PRKCZ: variants seen among roughly 807,000 people sequenced by gnomAD.
PRKCZ encodes the protein protein kinase C zeta.
Under a neutral mutation model 79.5 loss-of-function variants are expected in PRKCZ, and 33 were observed. The observed-to-expected ratio is 0.41, with a 90% CI of 0.31 to 0.55. PRKCZ has a LOEUF of 0.55. Among genes scored for constraint, PRKCZ ranks in the 20% least tolerant of loss-of-function variants. PRKCZ has a pLI of 0.19. For synonymous variants in PRKCZ, 342 were observed against 320.9 expected (o/e 1.07, Z -0.70); for missense variants, 578 against 813.5 (o/e 0.71, Z 3.52).
intron 9 of PRKCZ, among the ~76,000 whole-genome samples, chr1:2,151,861 T>C (rs576749671): frequency 1.3e-5 from 2 of 152,170 alleles, no homozygotes; most frequent in South Asian, 4.2e-4. Context: ...TGTCTCATTC[T>C]GTTACCCAGG....
intron 4 of PRKCZ, 107 bp from the exon 5 acceptor site, chr1:2,135,155 C>T (rs546977205): frequency 2.4e-5 from 22 of 915,698 alleles, no homozygotes; most frequent in South Asian, 1.8e-4. Flanking sequence ...CCTGGGAGGA[C>T]GCTGCGGCCG....
At chr1:2,161,132 A>G (rs1682199373) in intron 10 of PRKCZ, among the ~76,000 whole-genome samples, 1 of 152,190 alleles carries the variant, frequency 6.6e-6, no homozygotes, top group African/African-American at 2.4e-5. Flanking sequence ...AGAGATCCTG[A>G]CTGACACCCG....
intron 16 of PRKCZ, among the ~76,000 whole-genome samples, chr1:2,176,120 C>T (rs1557745511): frequency 6.6e-6 from 1 of 152,074 alleles, no homozygotes; most frequent in Non-Finnish European, 1.5e-5. Flanking sequence ...GGTGTGTGAG[C>T]AGGGTGCATT....
rs148391784 is a variant in PRKCZ at position 2,057,403 on chromosome 1, G to A, written c.283+830G>A. Among the ~76,000 whole-genome samples, 684 of 152,306 alleles carry A rather than the reference G, an allele frequency of 4.5e-3. 7 individuals carry two copies. The highest frequency in any genetic ancestry group is 0.016 in the African/African-American group (653 of 41,552). The stretch of plus-strand genomic sequence containing the variant: ...CTTTGTCTCTGTGTCCACTTCTGGC[G>A]TAGCTTGGGCTCCTTGCCAGGCGTC... On this transcript the variant is annotated intron_variant, in intron 3 of 17. Coordinates refer to ENST00000378567, the MANE Select transcript of PRKCZ (RefSeq NM_002744.6).
intron 4 of PRKCZ, among the ~76,000 whole-genome samples, chr1:2,109,334 TGGTC>T (rs1237655218): frequency 2.0e-5 from 3 of 152,200 alleles, no homozygotes; most frequent in African/African-American, 7.2e-5. Context: ...GCAGGGGCGA[TGGTC>T]GGGGGGCACC....
intron 4 of PRKCZ, among the ~76,000 whole-genome samples, chr1:2,108,613 C>T (rs1264640625): frequency 1.3e-5 from 2 of 152,218 alleles, no homozygotes; most frequent in Non-Finnish European, 2.9e-5. Context: ...CCCTCTCTCT[C>T]CAGCCATGTC....
rs957188143 is a variant in PRKCZ, at chr1:2,127,696, C to T, written c.335-7566C>T. On this transcript the variant is annotated intron_variant, in intron 4 of 17. Coordinates refer to ENST00000378567, the MANE Select transcript of PRKCZ (RefSeq NM_002744.6). The surrounding 1 kb of genome is among the most constrained non-coding windows in gnomAD (Gnocchi z 5.1). ...GCAAATAGGCGAACGGCGTCTCCCGCGGCTCCCGGTGGCTTTTTAGGACTC... is the reference window on the plus strand; with the variant it reads ...GCAAATAGGCGAACGGCGTCTCCCGTGGCTCCCGGTGGCTTTTTAGGACTC... Among the ~76,000 whole-genome samples the T allele has an allele frequency of 2.6e-5, 4 of 152,234 alleles. No homozygotes were observed. Among genetic ancestry groups the T allele is most frequent in the Admixed American group, 1.3e-4 (2 of 15,292 alleles).
rs1342518130 is a variant in PRKCZ, at chr1:2,075,081, A to T, written c.334+15490A>T. On this transcript the variant is annotated intron_variant, in intron 4 of 17. Coordinates refer to ENST00000378567, the MANE Select transcript of PRKCZ (RefSeq NM_002744.6). The surrounding 1 kb of genome is among the most constrained non-coding windows in gnomAD (Gnocchi z 4.8). ...CAGCAGACGCAGGGCTGCTCCGCACAGCCAGCTTGGGCCGCAGGGGTCCTT... is the reference window on the plus strand; with the variant it reads ...CAGCAGACGCAGGGCTGCTCCGCACTGCCAGCTTGGGCCGCAGGGGTCCTT... The T allele has an allele frequency of 6.6e-6, 1 of 152,248 alleles. No homozygotes were observed. The highest frequency in any genetic ancestry group is 1.5e-5 in the Non-Finnish European group (1 of 68,106). The allele number at this position is 152,248 out of a possible 1,614,324, so 9.4% of individuals were successfully genotyped here. A position where few individuals can be genotyped will look rare whatever the true frequency, so the allele number is the denominator to read the frequency against.
intron 4 of PRKCZ, among the ~76,000 whole-genome samples, chr1:2,100,884 C>T (rs1667322560): frequency 6.6e-6 from 1 of 152,082 alleles, no homozygotes; most frequent in Admixed American, 6.6e-5. Context: ...AACACACCCC[C>T]TGAGGTGTGA....
chr1:2,137,886 C>T (rs1176580540), intron 5 of PRKCZ, among the ~76,000 whole-genome samples: 6 of 152,178 alleles, frequency 3.9e-5, no homozygotes, highest in Non-Finnish European at 7.4e-5. Flanking sequence ...CCCTTCTGGG[C>T]GTGTGAACGA....
chr1:2,055,498 A>G lies in PRKCZ; in HGVS notation c.129A>G (p.Glu43=), dbSNP rs1315217615. Residue 43 remains glutamate (E), a synonymous_variant, in exon 2 of 18, where the codon GAA becomes GAG. Transcript: ENST00000378567. Reference sequence around the variant, plus strand: ...CGACCTTCGAGGAGCTCTGTGAGGAAGTGAGAGACATGTGTCGTCTGCACC... The same window carrying G: ...CGACCTTCGAGGAGCTCTGTGAGGAGGTGAGAGACATGTGTCGTCTGCACC... ...AATTFEELCE[E]VRDMCRLHQQ... The G allele has an allele frequency of 6.2e-7, 1 of 1,614,080 alleles. No homozygotes were observed. The highest frequency in any genetic ancestry group is 2.2e-5 in the East Asian group (1 of 44,876).
Position 2,159,205 on chromosome 1 carries a change from C to T in PRKCZ, c.974+3113C>T, listed in dbSNP as rs990482856. Among the ~76,000 whole-genome samples, 5 of 152,368 alleles carry T rather than the reference C, an allele frequency of 3.3e-5. No individual in the cohort carries two copies. In the East Asian group the frequency reaches 5.8e-4, roughly 18 times the overall value. ...AAAACTGCCCACAAATTCTTACTGA[C>T]CACACAGCACCAGACACCCACGTGA... On this transcript the variant is annotated intron_variant, in intron 10 of 17. Transcript: ENST00000378567.
rs555834981 is a variant in PRKCZ at position 2,070,586 on chromosome 1, G to A, written c.334+10995G>A. ...CTCTGGATGCAAGGGTGGCAAAGTCGCCTTGGCCTGTGTAGGGGAAGTGGA... is the reference window on the plus strand; with the variant it reads ...CTCTGGATGCAAGGGTGGCAAAGTCACCTTGGCCTGTGTAGGGGAAGTGGA... On this transcript the variant is annotated intron_variant, in intron 4 of 17. Transcript: ENST00000378567. Among the ~76,000 whole-genome samples, 545 of 152,290 alleles carry A rather than the reference G, an allele frequency of 3.6e-3. 4 individuals are homozygous for A. Among genetic ancestry groups the A allele is most frequent in the African/African-American group, 0.012 (516 of 41,566 alleles).
At chr1:2,074,360 G>A (rs1315950314) in intron 4 of PRKCZ, 49 of 1,523,610 alleles carry the variant, frequency 3.2e-5, no homozygotes, top group Middle Eastern at 2.1e-4. Context: ...TCTTGGGCTC[G>A]TCTGCCTGCC....
At position 2,144,533 on chromosome 1, in the gene PRKCZ, G is replaced by C. The variant is rs1026525713; in HGVS notation, c.552+192G>C. 8 of 1,417,604 alleles carry C rather than the reference G, an allele frequency of 5.6e-6. No individual in the cohort carries two copies. The South Asian group carries it at 8.9e-5, about 16-fold the overall frequency. 87.8% of individuals were successfully genotyped at this position (1,417,604 alleles called of 1,614,324 possible). On this transcript the variant is annotated intron_variant, in intron 6 of 17. Transcript: ENST00000378567. ...GACCCATCTTCCTGAGCCCCCACAA[G>C]CCCCCGGCACACTCTGCTCATTGGG...
chr1:2,184,431 G>GT, intron 16 of PRKCZ, 152 bp from the exon 17 acceptor site: 1 of 600,866 alleles, frequency 1.7e-6, no homozygotes, highest in Non-Finnish European at 2.9e-6. Flanking sequence ...ATTTTGTGTT[G>GT]TAAGAAAAAA....
At chr1:2,054,763 C>T (rs1660000901) in intron 1 of PRKCZ, among the ~76,000 whole-genome samples, 1 of 152,224 alleles carries the variant, frequency 6.6e-6, no homozygotes, top group Non-Finnish European at 1.5e-5. Flanking sequence ...CCTGCACCGA[C>T]CCGGCTCGCG....
At chr1:2,139,708 C>A (rs1676933641) in intron 5 of PRKCZ, among the ~76,000 whole-genome samples, 1 of 152,228 alleles carries the variant, frequency 6.6e-6, no homozygotes, top group Non-Finnish European at 1.5e-5. Flanking sequence ...CTGGAAATCA[C>A]GCAGAAATGT....
At chr1:2,101,519 G>A (rs1175168782) in intron 4 of PRKCZ, among the ~76,000 whole-genome samples, 2 of 151,996 alleles carry the variant, frequency 1.3e-5, no homozygotes, top group African/African-American at 2.4e-5. Flanking sequence ...CATTTCTTTC[G>A]TTCATTCATT....
Sources: allele counts gnomAD v4.1 joint callset (sites outside exome capture counted in the v4.1 genomes callset), GRCh38; gene constraint gnomAD v4.1.1; non-coding constraint Gnocchi (gnomAD v3.1); transcripts MANE v1.5; gene names NCBI Gene and HGNC (gene_info 2026-07-23, HGNC 2026-07-21).